F13A1: variants seen among roughly 807,000 people sequenced by gnomAD.
F13A1 encodes coagulation factor XIII A chain, also known as FSF, A subunit.
Under a neutral mutation model 80.1 loss-of-function variants are expected in F13A1, and 47 were observed. The observed-to-expected ratio is 0.59, with a 90% CI of 0.46 to 0.75. The LOEUF (loss-of-function observed/expected upper bound fraction) is 0.75, where lower values mean the gene tolerates loss of function less well. Ranked by LOEUF, F13A1 falls within the 30% of genes least tolerant of loss-of-function variation. F13A1 has a pLI of 0.00. For missense variants in F13A1, 817 were observed against 930.4 expected (o/e 0.88, Z 1.59); for synonymous variants, 349 against 344.9 (o/e 1.01, Z -0.13).
chr6:6,297,283 C>T (rs1758344818), intron 3 of F13A1, among the ~76,000 whole-genome samples: 3 of 152,018 alleles, frequency 2.0e-5, no homozygotes, highest in African/African-American at 7.3e-5. Flanking sequence ...GGGAGGATTC[C>T]CTCTTTTTCT....
chr6:6,171,180 C>A (rs916712940), intron 12 of F13A1, among the ~76,000 whole-genome samples: 2 of 152,156 alleles, frequency 1.3e-5, no homozygotes, highest in Non-Finnish European at 2.9e-5. Context: ...GTGCTAGACT[C>A]CAGGTAATGG....
chr6:6,225,255 T>A (rs1757260411), intron 6 of F13A1, among the ~76,000 whole-genome samples: 1 of 152,240 alleles, frequency 6.6e-6, no homozygotes, highest in East Asian at 1.9e-4. Context: ...GGAACTTGTC[T>A]TGGTGGAAAG....
In F13A1 at chr6:6,145,176, C is replaced by T. The variant is rs3024486; in HGVS notation, c.*443G>A. 10,708 of 215,478 alleles carry T rather than the reference C, an allele frequency of 0.05. 374 individuals carry two copies. Among genetic ancestry groups the T allele is most frequent in the Non-Finnish European group, 0.069 (7,371 of 106,392 alleles). 13.3% of individuals were successfully genotyped at this position (215,478 alleles called of 1,614,324 possible). ...TCACATGGAGGGTAGAACCTGACCC[C>T]GAGAAAGGGGACTGGAATTCTAGAG... On this transcript the variant is annotated 3_prime_UTR_variant, in exon 15 of 15. Transcript: ENST00000264870.
intron 6 of F13A1, among the ~76,000 whole-genome samples, chr6:6,238,603 T>C (rs1757444066): frequency 1.3e-5 from 2 of 151,952 alleles, no homozygotes; most frequent in African/African-American, 4.8e-5. Flanking sequence ...TTGGGGAAAA[T>C]ATGTTCTATA....
intron 2 of F13A1, among the ~76,000 whole-genome samples, chr6:6,316,834 G>A (rs1387970256): frequency 6.6e-6 from 1 of 152,172 alleles, no homozygotes; most frequent in Non-Finnish European, 1.5e-5. Flanking sequence ...TGCTGATGGA[G>A]AAACTGAGGC....
At chr6:6,210,872 GCA>G (rs1761595417) in intron 8 of F13A1, among the ~76,000 whole-genome samples, 1 of 152,122 alleles carries the variant, frequency 6.6e-6, no homozygotes, top group African/African-American at 2.4e-5. Context: ...GGGATTACAG[GCA>G]TGCACCACCA....
Position 6,182,042 on chromosome 6 carries a change from G to GT in F13A1, c.1404dup (p.Gln469ThrfsTer12). 1 of 1,614,134 alleles carries GT rather than the reference G, an allele frequency of 6.2e-7. No homozygotes were observed. Among genetic ancestry groups the GT allele is most frequent in the African/African-American group, 1.3e-5 (1 of 75,038 alleles). Reference sequence around the variant, plus strand: ...TCCATCATGCCATCTCCTCCAATTTGTTTGGTCACAATTAATTTCCCAATG... The same window carrying GT: ...TCCATCATGCCATCTCCTCCAATTTGTTTTGGTCACAATTAATTTCCCAATG... On this transcript the variant is annotated frameshift_variant, in exon 11 of 15. Transcript: ENST00000264870. LOFTEE classifies it high-confidence loss of function.
chr6:6,200,227 C>A (rs942705241), intron 8 of F13A1, among the ~76,000 whole-genome samples: 2 of 151,974 alleles, frequency 1.3e-5, no homozygotes, highest in African/African-American at 4.8e-5. Flanking sequence ...GCAAAGCCAG[C>A]TGACAAATGA....
chr6:6,210,026 G>A (rs1464899550), intron 8 of F13A1, among the ~76,000 whole-genome samples: 2 of 151,362 alleles, frequency 1.3e-5, no homozygotes, highest in Non-Finnish European at 2.9e-5. Context: ...AGGAGTTCAA[G>A]AGCAGCCTGG....
chr6:6,173,417 T>G (rs1379754616), intron 12 of F13A1, among the ~76,000 whole-genome samples: 11 of 128,534 alleles, frequency 8.6e-5, no homozygotes, highest in Admixed American at 8.2e-4. Flanking sequence ...TTCTTTTTTT[T>G]TTTTTTTTGA....
intron 12 of F13A1, among the ~76,000 whole-genome samples, chr6:6,170,787 A>G (rs1760758692): frequency 6.6e-6 from 1 of 152,150 alleles, no homozygotes; most frequent in Non-Finnish European, 1.5e-5. Flanking sequence ...CAGCAGAGGC[A>G]TCTAAGAATG....
At chr6:6,181,254 T>C (rs746807457) in intron 11 of F13A1, among the ~76,000 whole-genome samples, 1 of 152,328 alleles carries the variant, frequency 6.6e-6, no homozygotes, top group East Asian at 1.9e-4. Flanking sequence ...CCCCTACTTA[T>C]TGTTTCCAAA....
At chr6:6,303,323 C>G (rs138200953) in intron 3 of F13A1, among the ~76,000 whole-genome samples, 5 of 152,234 alleles carry the variant, frequency 3.3e-5, no homozygotes, top group African/African-American at 1.2e-4. Context: ...AAGCCAAAGA[C>G]AACTCAAAAC....
In F13A1 at chr6:6,253,162, A is replaced by AAG. The variant is rs60495036; in HGVS notation, c.572-2235_572-2234dup. On this transcript the variant is annotated intron_variant, in intron 4 of 14. Coordinates refer to ENST00000264870, the MANE Select transcript of F13A1 (RefSeq NM_000129.4). ...TGTCCCAAAAAAAAAAAAAAAAAAAAAGAGAGAGAGAGAGAGAGAAAATAG... is the reference window on the plus strand; with the variant it reads ...TGTCCCAAAAAAAAAAAAAAAAAAAAAGAGAGAGAGAGAGAGAGAGAAAATAG... 9.0e-4 allele frequency among the ~76,000 whole-genome samples: 96 copies of AAG among 106,324 alleles called. 1 individual carries two copies. The East Asian group carries it at 0.011, about 12-fold the overall frequency. 69.8% of individuals were successfully genotyped at this position (106,324 alleles called of 152,430 possible).
chr6:6,147,560 T>C (rs976909446), intron 14 of F13A1, among the ~76,000 whole-genome samples: 1 of 152,218 alleles, frequency 6.6e-6, no homozygotes, highest in African/African-American at 2.4e-5. Flanking sequence ...GTGCTATTGT[T>C]ACCTGTATCC....
At chr6:6,171,042 TATC>T (rs1760763703) in intron 12 of F13A1, among the ~76,000 whole-genome samples, 1 of 152,080 alleles carries the variant, frequency 6.6e-6, no homozygotes, top group Non-Finnish European at 1.5e-5. Context: ...GAGAGAATGA[TATC>T]ATTCTACTCA....
At chr6:6,317,600 G>A (rs915941729) in intron 2 of F13A1, among the ~76,000 whole-genome samples, 1 of 151,918 alleles carries the variant, frequency 6.6e-6, no homozygotes, top group African/African-American at 2.4e-5. Flanking sequence ...CTTTCCCTTT[G>A]CTATATGGAG....
intron 10 of F13A1, among the ~76,000 whole-genome samples, chr6:6,183,330 C>CA (rs1761021629): frequency 6.6e-6 from 1 of 152,154 alleles, no homozygotes; most frequent in Non-Finnish European, 1.5e-5. Context: ...TAGTGTCTGG[C>CA]ATAGAGTAAA....
chr6:6,231,453 A>T (rs1257832022), intron 6 of F13A1, among the ~76,000 whole-genome samples: 1 of 151,738 alleles, frequency 6.6e-6, no homozygotes, highest in Admixed American at 6.6e-5. Flanking sequence ...GCTAAGAATA[A>T]TCGGTGTTCC....
Sources: allele counts gnomAD v4.1 joint callset (sites outside exome capture counted in the v4.1 genomes callset), GRCh38; gene constraint gnomAD v4.1.1; transcripts MANE v1.5; gene names NCBI Gene and HGNC (gene_info 2026-07-23, HGNC 2026-07-21).